The following PPFIBP1 variants were observed in gnomAD, a reference collection of about 807,000 sequenced individuals.
PPFIBP1 encodes the protein liprin-beta-1.
Under a neutral mutation model 137.8 loss-of-function variants are expected in PPFIBP1, and 112 were observed. That is an observed-to-expected ratio of 0.81 (90% CI 0.70 to 0.95). The LOEUF (loss-of-function observed/expected upper bound fraction) is 0.95. PPFIBP1 is among the 40% of genes least tolerant of loss of function. The pLI is 0.00. For missense variants in PPFIBP1, 1,083 were observed against 1,196.6 expected, an observed-to-expected ratio of 0.91 and a Z score of 1.40; for synonymous variants, 378 against 417.3, an observed-to-expected ratio of 0.91 and a Z score of 1.15.
At chr12:27,656,967 T>C (rs2288225) in intron 9 of PPFIBP1, 30,281 of 363,160 alleles carry the variant, frequency 0.083, 1,656 homozygotes, top group East Asian at 0.18. Flanking sequence ...TGTTTAAGAT[T>C]GCTAGACTGT....
chr12:27,672,052 C>T (rs570783335), intron 14 of PPFIBP1, among the ~76,000 whole-genome samples: 1 of 151,570 alleles, frequency 6.6e-6, no homozygotes, highest in Non-Finnish European at 1.5e-5. Context: ...GCCTGGGTGA[C>T]AGAGCGAGAC....
intron 13 of PPFIBP1, among the ~76,000 whole-genome samples, chr12:27,669,993 G>A (rs532160806): frequency 1.3e-5 from 2 of 152,190 alleles, no homozygotes; most frequent in Non-Finnish European, 2.9e-5. Context: ...ACTAAGGTGA[G>A]ACTGTTGCTG....
chr12:27,538,165 C>A (rs944867901), intron 1 of PPFIBP1: 3 of 152,298 alleles, frequency 2.0e-5, no homozygotes, highest in Non-Finnish European at 4.4e-5. Flanking sequence ...GCAAACCTTT[C>A]TGTTTTTCCT....
At chr12:27,595,887 ATAT>A (rs1234695817) in intron 2 of PPFIBP1, among the ~76,000 whole-genome samples, 1,226 of 96,728 alleles carry the variant, frequency 0.013, 17 homozygotes, top group South Asian at 0.032. Flanking sequence ...CAACAACAAA[ATAT>A]ATATATATAT....
intron 2 of PPFIBP1, chr12:27,592,713 A>G (rs2052668275): frequency 3.3e-6 from 4 of 1,194,784 alleles, no homozygotes; most frequent in East Asian, 4.7e-5. Context: ...TCTCTGGAGC[A>G]CTTGTCCTTT....
At chr12:27,597,442 C>A (rs1297236180) in intron 2 of PPFIBP1, among the ~76,000 whole-genome samples, 1 of 152,172 alleles carries the variant, frequency 6.6e-6, no homozygotes. Flanking sequence ...GCGTGAGCCA[C>A]CGCGACCGGC....
At position 27,654,809 on chromosome 12, in the gene PPFIBP1, A is replaced by G. The variant is rs771180048; in HGVS notation, c.691A>G (p.Thr231Ala). 2 of 1,611,992 alleles carry G rather than the reference A, an allele frequency of 1.2e-6. No homozygotes were observed. Among genetic ancestry groups the G allele is most frequent in the Non-Finnish European group, 1.7e-6 (2 of 1,179,350 alleles). Residue 231 changes from threonine to alanine, a missense_variant, in exon 8 of 30, where the codon ACC becomes GCC. Transcript: ENST00000228425. ...TCAGTATGAAAAAAAGCTTAAATCA[A>G]CCAAAGTAAGTTTTTCTCACAGGTT... ...RLQYEKKLKS[T>A]KDELASLKEQ...
intron 1 of PPFIBP1, among the ~76,000 whole-genome samples, chr12:27,560,248 G>T (rs1334806322): frequency 6.6e-6 from 1 of 152,106 alleles, no homozygotes; most frequent in Non-Finnish European, 1.5e-5. Context: ...CTAAAAATTT[G>T]GGAGGAATAA....
intron 2 of PPFIBP1, among the ~76,000 whole-genome samples, chr12:27,578,905 G>A (rs1334560199): frequency 6.6e-6 from 1 of 152,222 alleles, no homozygotes; most frequent in African/African-American, 2.4e-5. Flanking sequence ...GAGGATCCGA[G>A]AGAGGTAAGG....
intron 1 of PPFIBP1, among the ~76,000 whole-genome samples, chr12:27,535,382 A>T (rs1172110059): frequency 6.6e-6 from 1 of 151,840 alleles, no homozygotes; most frequent in Non-Finnish European, 1.5e-5. Context: ...TTTATTATAC[A>T]ATGTTGTTTT....
intron 3 of PPFIBP1, among the ~76,000 whole-genome samples, chr12:27,634,049 C>T (rs576254880): frequency 2.6e-5 from 4 of 151,246 alleles, no homozygotes; most frequent in Admixed American, 6.6e-5. Flanking sequence ...CTTGGCCAGG[C>T]TGGTCTTAAA....
At chr12:27,689,706 C>A (rs2061413103) in intron 27 of PPFIBP1, among the ~76,000 whole-genome samples, 1 of 152,152 alleles carries the variant, frequency 6.6e-6, no homozygotes, top group Non-Finnish European at 1.5e-5. Context: ...GCCTAGTTCC[C>A]AACCCAGGCT....
intron 2 of PPFIBP1, among the ~76,000 whole-genome samples, chr12:27,617,755 T>C (rs1317656585): frequency 3.3e-5 from 5 of 152,214 alleles, no homozygotes; most frequent in Non-Finnish European, 7.3e-5. Context: ...TTCATAGATA[T>C]GAAATTCATG....
intron 10 of PPFIBP1, among the ~76,000 whole-genome samples, chr12:27,660,061 T>A (rs60742299): frequency 0.1 from 15,409 of 151,990 alleles, 1,151 homozygotes; most frequent in African/African-American, 0.21. Flanking sequence ...TGACTTTTCA[T>A]TTATTTATTT....
chr12:27,553,574 C>CTA (rs1166170168), intron 1 of PPFIBP1, among the ~76,000 whole-genome samples: 1 of 152,162 alleles, frequency 6.6e-6, no homozygotes, highest in Non-Finnish European at 1.5e-5. Flanking sequence ...GAATGATGAC[C>CTA]TATGAATTAA....
chr12:27,683,023 G>A (rs1196107350), intron 24 of PPFIBP1, among the ~76,000 whole-genome samples: 1 of 152,238 alleles, frequency 6.6e-6, no homozygotes. Flanking sequence ...CTTTGAATGG[G>A]TACATTTTAT....
At chr12:27,531,494 G>C (rs1944422493) in intron 1 of PPFIBP1, among the ~76,000 whole-genome samples, 4 of 151,608 alleles carry the variant, frequency 2.6e-5, no homozygotes, top group Non-Finnish European at 5.9e-5. Flanking sequence ...GTAGAGACAG[G>C]GTTTCACCAT....
chr12:27,527,977 C>T (rs1185068738), intron 1 of PPFIBP1, among the ~76,000 whole-genome samples: 1 of 151,966 alleles, frequency 6.6e-6, no homozygotes, highest in Non-Finnish European at 1.5e-5. Flanking sequence ...GAGACAGAGT[C>T]GCTCTCTGTT....
intron 2 of PPFIBP1, among the ~76,000 whole-genome samples, chr12:27,601,534 C>G (rs17223967): frequency 0.22 from 33,740 of 152,084 alleles, 4,076 homozygotes; most frequent in South Asian, 0.4. Flanking sequence ...TGATGCTTTC[C>G]CATGGTTGAT....
Sources: allele counts gnomAD v4.1 joint callset (sites outside exome capture counted in the v4.1 genomes callset), GRCh38; gene constraint gnomAD v4.1.1; transcripts MANE v1.5; gene names NCBI Gene and HGNC (gene_info 2026-07-23, HGNC 2026-07-21).